ARHGEF3: variants seen among roughly 807,000 people sequenced by gnomAD.
ARHGEF3 encodes 59.8 kDA protein.
In ARHGEF3, 28 loss-of-function variants were observed where a neutral mutation model predicts 63.2. That is an observed-to-expected ratio of 0.44 (90% CI 0.33 to 0.61). The LOEUF is 0.61. ARHGEF3 is among the 20% of genes least tolerant of loss of function. ARHGEF3 has a pLI of 0.03. For synonymous variants in ARHGEF3, 266 were observed against 254.2 expected, an observed-to-expected ratio of 1.05 and a Z score of -0.44; for missense variants, 533 against 659.3, an observed-to-expected ratio of 0.81 and a Z score of 2.10.
At chr3:56,892,463 A>G (rs890638875) in intron 3 of ARHGEF3, among the ~76,000 whole-genome samples, 1 of 152,198 alleles carries the variant, frequency 6.6e-6, no homozygotes, top group African/African-American at 2.4e-5. Flanking sequence ...ATAATATGCT[A>G]TGGTGCTTCC....
chr3:56,919,927 A>G (rs988895528), intron 3 of ARHGEF3, among the ~76,000 whole-genome samples: 2 of 152,232 alleles, frequency 1.3e-5, no homozygotes, highest in Non-Finnish European at 2.9e-5. Context: ...ACAAGCATAC[A>G]GCCCTCAGAA....
At chr3:57,050,876 T>A (rs1267674209) in intron 1 of ARHGEF3, among the ~76,000 whole-genome samples, 3 of 152,162 alleles carry the variant, frequency 2.0e-5, no homozygotes, top group Non-Finnish European at 2.9e-5. Flanking sequence ...ACCCAGCAAT[T>A]CAAGTCTACC....
At chr3:56,831,559 G>A (rs1048895993) in intron 4 of ARHGEF3, among the ~76,000 whole-genome samples, 6 of 152,194 alleles carry the variant, frequency 3.9e-5, no homozygotes, top group Non-Finnish European at 5.9e-5. Flanking sequence ...ATAACAGTGT[G>A]GTTGTGTTAC....
intron 4 of ARHGEF3, among the ~76,000 whole-genome samples, chr3:56,821,221 C>T (rs975768190): frequency 6.6e-6 from 1 of 151,968 alleles, no homozygotes; most frequent in Non-Finnish European, 1.5e-5. Flanking sequence ...TAGCAGAGTA[C>T]TGATGAGTAA....
At chr3:56,854,067 C>T (rs1203682148) in intron 4 of ARHGEF3, among the ~76,000 whole-genome samples, 3 of 152,102 alleles carry the variant, frequency 2.0e-5, no homozygotes, top group African/African-American at 7.2e-5. Context: ...TGGTGGCAGG[C>T]GCCTGCAGTC....
Position 56,737,158 on chromosome 3 carries a change from G to A in ARHGEF3, c.1041+27C>T, listed in dbSNP as rs754530605. The A allele has an allele frequency of 2.5e-6, 4 of 1,592,968 alleles. No homozygotes were observed. The South Asian group carries it at 4.5e-5, about 18-fold the overall frequency. ...AATTAGGGATACGGGAGGCGGATAA[G>A]ACTGCTTAAAGGGAGTAACTACTTA... On this transcript the variant is annotated intron_variant, in intron 8 of 9. Coordinates refer to ENST00000296315, the MANE Select transcript of ARHGEF3 (RefSeq NM_019555.3).
At chr3:56,790,730 G>C (rs1189014693) in intron 1 of ARHGEF3, among the ~76,000 whole-genome samples, 3 of 152,142 alleles carry the variant, frequency 2.0e-5, no homozygotes, top group Admixed American at 1.3e-4. Context: ...GCTTGCCCTG[G>C]CCTTGGGTTC....
At chr3:56,761,504 T>C (rs2035417776) in intron 2 of ARHGEF3, among the ~76,000 whole-genome samples, 1 of 152,160 alleles carries the variant, frequency 6.6e-6, no homozygotes, top group African/African-American at 2.4e-5. Flanking sequence ...TCATGTCTAT[T>C]TCCTTCCAAT....
chr3:57,041,376 A>G (rs1013532382), intron 1 of ARHGEF3, among the ~76,000 whole-genome samples: 5 of 152,138 alleles, frequency 3.3e-5, no homozygotes, highest in Non-Finnish European at 5.9e-5. Flanking sequence ...CTTGTTCAAG[A>G]TCCCAAAGTG....
Position 56,732,147 on chromosome 3 carries a change from C to T in ARHGEF3, c.1228+91G>A, listed in dbSNP as rs1028673102. The T allele has an allele frequency of 1.7e-5, 25 of 1,468,234 alleles. 1 individual carries two copies. The highest frequency in any genetic ancestry group is 1.1e-4 in the African/African-American group (8 of 71,544). 91.0% of individuals were successfully genotyped at this position (1,468,234 alleles called of 1,614,324 possible). A position where few individuals can be genotyped will look rare whatever the true frequency, so the allele number is the denominator to read the frequency against. Reference sequence around the variant, plus strand: ...TACAAATGCAGTTTGACTTCAAGACCGTGGCTTTTCTCTTTCCACCAGCTG... The same window carrying T: ...TACAAATGCAGTTTGACTTCAAGACTGTGGCTTTTCTCTTTCCACCAGCTG... On this transcript the variant is annotated intron_variant, in intron 9 of 9. Transcript: ENST00000296315.
At chr3:56,855,087 T>A (rs2108162691) in intron 4 of ARHGEF3, among the ~76,000 whole-genome samples, 1 of 151,592 alleles carries the variant, frequency 6.6e-6, no homozygotes, top group Middle Eastern at 3.4e-3. Flanking sequence ...CACAATAGTA[T>A]GGAGTACAAT....
chr3:57,063,737 A>G (rs1476509181), intron 1 of ARHGEF3, among the ~76,000 whole-genome samples: 2 of 152,158 alleles, frequency 1.3e-5, no homozygotes, highest in African/African-American at 4.8e-5. Context: ...ATGGCAACAG[A>G]GAACAGGCCA....
intron 1 of ARHGEF3, among the ~76,000 whole-genome samples, chr3:57,072,599 A>C (rs929202648): frequency 6.6e-6 from 1 of 151,702 alleles, no homozygotes; most frequent in African/African-American, 2.4e-5. Context: ...AAAATTAGCC[A>C]GGCGTGGTGG....
chr3:56,921,736 G>A (rs1696028116), intron 3 of ARHGEF3, among the ~76,000 whole-genome samples: 1 of 152,218 alleles, frequency 6.6e-6, no homozygotes, highest in Non-Finnish European at 1.5e-5. Context: ...AAATGTTGAT[G>A]CTCTTGGAGA....
chr3:56,874,627 A>G lies in ARHGEF3; in HGVS notation c.192+7665T>C, dbSNP rs181417339. On this transcript the variant is annotated intron_variant, in intron 4 of 12. Coordinates refer to the ARHGEF3 transcript ENST00000338458. The stretch of plus-strand genomic sequence containing the variant: ...GCTTTGGGCATGCACATGACAGGAT[A>G]AATAACTGGAGTGCACAGTTAATGG... 1.5e-3 allele frequency among the ~76,000 whole-genome samples: 224 copies of G among 152,296 alleles called. 3 individuals carry two copies. Among genetic ancestry groups the G allele is most frequent in the Non-Finnish European group, 3.5e-4 (24 of 68,018 alleles).
Position 56,728,762 on chromosome 3 carries a change from G to C in ARHGEF3, c.*508C>G, listed in dbSNP as rs547337136. 1 of 154,098 alleles carries C rather than the reference G, an allele frequency of 6.5e-6. No homozygotes were observed. The highest frequency in any genetic ancestry group is 2.0e-4 in the South Asian group (1 of 4,934). The allele number at this position is 154,098 out of a possible 1,614,324, so 9.5% of individuals were successfully genotyped here. On this transcript the variant is annotated 3_prime_UTR_variant, in exon 10 of 10. Coordinates refer to ENST00000296315, the MANE Select transcript of ARHGEF3 (RefSeq NM_019555.3). ...GTTTTCAAGCTTTCTAGTTGAGTAA[G>C]ATCAAACCAAGTTCACTTCATGAGT...
At chr3:56,834,968 T>C (rs1244992626) in intron 4 of ARHGEF3, among the ~76,000 whole-genome samples, 1 of 152,164 alleles carries the variant, frequency 6.6e-6, no homozygotes, top group African/African-American at 2.4e-5. Context: ...TTTACCTTTA[T>C]TTTATAATTT....
intron 2 of ARHGEF3, among the ~76,000 whole-genome samples, chr3:57,017,370 G>T (rs546728731): frequency 2.0e-5 from 3 of 152,124 alleles, no homozygotes; most frequent in Non-Finnish European, 4.4e-5. Flanking sequence ...CAATACCCAG[G>T]ACATGCTCTG....
At chr3:56,908,566 A>G (rs1347165868) in intron 3 of ARHGEF3, among the ~76,000 whole-genome samples, 1 of 152,232 alleles carries the variant, frequency 6.6e-6, no homozygotes, top group Non-Finnish European at 1.5e-5. Context: ...GGCTTCAGAT[A>G]CGAGGGACAA....
Sources: allele counts gnomAD v4.1 joint callset (sites outside exome capture counted in the v4.1 genomes callset), GRCh38; gene constraint gnomAD v4.1.1; transcripts MANE v1.5; gene names NCBI Gene and HGNC (gene_info 2026-07-23, HGNC 2026-07-21).